PDK1: variants seen among roughly 807,000 people sequenced by gnomAD.
PDK1 encodes pyruvate dehydrogenase kinase 1, also known as [Pyruvate dehydrogenase (acetyl-transferring)] kinase isozyme 1, mitochondrial.
In PDK1, 39 loss-of-function variants were observed where a neutral mutation model predicts 54.2. The observed-to-expected ratio is 0.72, with a 90% CI of 0.56 to 0.94. The LOEUF (loss-of-function observed/expected upper bound fraction) is 0.94. PDK1 is among the 40% of genes least tolerant of loss of function. The pLI, the probability that PDK1 is intolerant of heterozygous loss-of-function variation, is 0.00. For synonymous variants in PDK1, 221 were observed against 207.1 expected, an observed-to-expected ratio of 1.07 and a Z score of -0.58; for missense variants, 552 against 566.0, an observed-to-expected ratio of 0.98 and a Z score of 0.25.
At chr2:172,633,452 T>A in the PDK1 span, among the ~76,000 whole-genome samples, 1 of 150,398 alleles carries the variant, frequency 6.6e-6, no homozygotes, top group Admixed American at 6.6e-5. Context: ...AAACTGATCA[T>A]TTTCTAGAAA....
At chr2:172,710,399 A>C in the PDK1 span, among the ~76,000 whole-genome samples, 1 of 152,190 alleles carries the variant, frequency 6.6e-6, no homozygotes, top group Non-Finnish European at 1.5e-5. Context: ...TTTCATTCCA[A>C]TGTTTCTTAT....
chr2:172,582,418 C>T (rs1260315434), intron 8 of PDK1, among the ~76,000 whole-genome samples: 2 of 152,068 alleles, frequency 1.3e-5, no homozygotes, highest in African/African-American at 2.4e-5. Context: ...ACCTAGGGAG[C>T]CTAGTGTTAC....
the PDK1 span, among the ~76,000 whole-genome samples, chr2:172,712,928 C>G: frequency 6.6e-6 from 1 of 152,226 alleles, no homozygotes; most frequent in Non-Finnish European, 1.5e-5. Context: ...TATTGAGCAG[C>G]AGTTCAGCTC....
intron 2 of PDK1, among the ~76,000 whole-genome samples, chr2:172,559,432 GA>G (rs1688537302): frequency 6.6e-6 from 1 of 152,176 alleles, no homozygotes; most frequent in East Asian, 1.9e-4. Context: ...GATATTATAA[GA>G]AAAAATGTCT....
the PDK1 span, among the ~76,000 whole-genome samples, chr2:172,690,347 A>C: frequency 1.3e-5 from 2 of 150,354 alleles, no homozygotes; most frequent in African/African-American, 4.8e-5. Context: ...AAAGTCAGGA[A>C]ACAACAGATG....
In PDK1 at chr2:172,602,500, G is replaced by A. The variant is rs1691148966; in HGVS notation, c.*6531G>A. 1 of 152,158 alleles carries A rather than the reference G, an allele frequency of 6.6e-6. No homozygotes were observed. Among genetic ancestry groups the A allele is most frequent in the Admixed American group, 6.5e-5 (1 of 15,274 alleles). 9.4% of individuals were successfully genotyped at this position (152,158 alleles called of 1,614,324 possible). A position where few individuals can be genotyped will look rare whatever the true frequency, so the allele number is the denominator to read the frequency against. On this transcript the variant is annotated 3_prime_UTR_variant, in exon 11 of 11. Coordinates refer to ENST00000282077, the MANE Select transcript of PDK1 (RefSeq NM_002610.5). The stretch of plus-strand genomic sequence containing the variant: ...CAATAAACCTCGTATAGTGTCAGAT[G>A]TAAGACAGACATACTGGAATTGTCT...
At chr2:172,567,535 T>A (rs1689023656) in intron 6 of PDK1, among the ~76,000 whole-genome samples, 1 of 152,162 alleles carries the variant, frequency 6.6e-6, no homozygotes, top group Non-Finnish European at 1.5e-5. Flanking sequence ...GTGGGAAGAA[T>A]AAAACAAAAT....
the PDK1 span, among the ~76,000 whole-genome samples, chr2:172,614,183 C>T: frequency 6.7e-6 from 1 of 150,002 alleles, no homozygotes; most frequent in Non-Finnish European, 1.5e-5. Flanking sequence ...CCCCCCCCCC[C>T]AACCCCCATC....
chr2:172,718,799 C>A, the PDK1 span, among the ~76,000 whole-genome samples: 1 of 152,150 alleles, frequency 6.6e-6, no homozygotes, highest in South Asian at 2.1e-4. Flanking sequence ...GAGTCCCTGT[C>A]TTTATTTATC....
the PDK1 span, among the ~76,000 whole-genome samples, chr2:172,647,513 A>G: frequency 6.6e-6 from 1 of 152,246 alleles, no homozygotes; most frequent in Non-Finnish European, 1.5e-5. Flanking sequence ...ACTAAAATAA[A>G]CAATGATAGC....
chr2:172,575,438 G>A (rs1689525882), intron 8 of PDK1, among the ~76,000 whole-genome samples: 1 of 152,024 alleles, frequency 6.6e-6, no homozygotes, highest in African/African-American at 2.4e-5. Context: ...AAGACTTCTG[G>A]GCCTGAGCTT....
intron 9 of PDK1, among the ~76,000 whole-genome samples, chr2:172,587,939 A>C (rs1690351893): frequency 2.0e-5 from 3 of 152,178 alleles, no homozygotes; most frequent in Admixed American, 2.0e-4. Flanking sequence ...TTAGCTAGAC[A>C]CAGAGTGCTG....
rs1691327964 is a variant in PDK1, at chr2:172,607,256, A to C, written c.*11287A>C. On this transcript the variant is annotated 3_prime_UTR_variant, in exon 11 of 11. Coordinates refer to ENST00000282077, the MANE Select transcript of PDK1 (RefSeq NM_002610.5). ...CAGTGAGCTATGATTGTGCTGCTGC[A>C]CTCCAGCCTGGGTGACAGAGCGAGG... 1 of 152,214 alleles carries C rather than the reference A, an allele frequency of 6.6e-6. No individual in the cohort carries two copies. The allele number at this position is 152,214 out of a possible 1,614,324, so 9.4% of individuals were successfully genotyped here.
chr2:172,557,033 A>G (rs1471657198), intron 1 of PDK1, among the ~76,000 whole-genome samples: 1 of 151,972 alleles, frequency 6.6e-6, no homozygotes, highest in African/African-American at 2.4e-5. Flanking sequence ...TGTGAAGGCG[A>G]TGAGGGGAAA....
chr2:172,573,918 C>A (rs189486612), intron 8 of PDK1, among the ~76,000 whole-genome samples: 25 of 152,214 alleles, frequency 1.6e-4, no homozygotes, highest in Admixed American at 1.5e-3. Context: ...TGTGAGTCAC[C>A]ACACCCAGCC....
the PDK1 span, among the ~76,000 whole-genome samples, chr2:172,639,348 C>T: frequency 6.6e-6 from 1 of 152,192 alleles, no homozygotes; most frequent in African/African-American, 2.4e-5. Context: ...GCTCACTCTC[C>T]AAAGGGTCTG....
At chr2:172,659,205 C>A in the PDK1 span, among the ~76,000 whole-genome samples, 1 of 152,134 alleles carries the variant, frequency 6.6e-6, no homozygotes, top group Non-Finnish European at 1.5e-5. Flanking sequence ...TTTCTCAGAC[C>A]GCCAACACTT....
chr2:172,665,727 T>G, the PDK1 span, among the ~76,000 whole-genome samples: 2 of 152,214 alleles, frequency 1.3e-5, no homozygotes, highest in Non-Finnish European at 1.5e-5. Context: ...AGCGTTGGCA[T>G]TTTAAAATCT....
chr2:172,564,944 G>C, intron 4 of PDK1, 34 bp from the exon 5 acceptor site: 1 of 1,399,358 alleles, frequency 7.1e-7, no homozygotes, highest in Non-Finnish European at 1.0e-6. Flanking sequence ...AGGTGGTTTA[G>C]CTTATTTTGT....
Sources: gnomAD v4.1 joint callset for allele counts (sites outside exome capture counted in the v4.1 genomes callset) on GRCh38, gnomAD v4.1.1 for gene constraint, MANE v1.5 for transcripts, NCBI Gene and HGNC (gene_info 2026-07-23, HGNC 2026-07-21) for gene names.